ELP4: variants seen among roughly 807,000 people sequenced by gnomAD.
ELP4 encodes elongator acetyltransferase complex subunit 4, also known as elongator complex protein 4.
In ELP4, 51 loss-of-function variants were observed where a neutral mutation model predicts 48.9. That is an observed-to-expected ratio of 1.04 (90% CI 0.83 to 1.32). ELP4 has a LOEUF of 1.32. ELP4 is among the 40% of genes most tolerant of loss of function. ELP4 has a pLI of 0.00. For missense variants in ELP4, 519 were observed against 514.6 expected (o/e 1.01, Z -0.08); for synonymous variants, 210 against 189.2 (o/e 1.11, Z -0.90).
At position 31,623,384 on chromosome 11, in the gene ELP4, T is replaced by TAC. The variant is rs1565084266; in HGVS notation, c.654-3725_654-3724insCA. 3.8e-5 allele frequency among the ~76,000 whole-genome samples: 3 copies of TAC among 78,622 alleles called. 1 individual carries two copies. Among genetic ancestry groups the TAC allele is most frequent in the African/African-American group, 1.1e-4 (3 of 26,612 alleles). The allele number at this position is 78,622 out of a possible 152,430, so 51.6% of individuals were successfully genotyped here. On this transcript the variant is annotated intron_variant, in intron 5 of 9. Coordinates refer to ENST00000640961, the MANE Select transcript of ELP4 (RefSeq NM_019040.5). ...ATATATATATATATATATATATATATATATATAAAACTAGAAACATTGCTG... is the reference window on the plus strand; with the variant it reads ...ATATATATATATATATATATATATATACATATATAAAACTAGAAACATTGCTG...
intron 3 of ELP4, among the ~76,000 whole-genome samples, chr11:31,546,576 C>T (rs1259333319): frequency 4.6e-5 from 7 of 152,068 alleles, no homozygotes; most frequent in Admixed American, 1.3e-4. Context: ...GACAGATCAA[C>T]GAGACAGAAA....
chr11:31,743,424 C>T lies in ELP4; in HGVS notation c.1144-39969C>T, dbSNP rs1261216119. Reference sequence around the variant, plus strand: ...AATAGACATCTACAGAACTGTCCACCCCAAATCAACAGAATATACATTCTT... The same window carrying T: ...AATAGACATCTACAGAACTGTCCACTCCAAATCAACAGAATATACATTCTT... On this transcript the variant is annotated intron_variant, in intron 9 of 9. Transcript: ENST00000640961. 5.9e-5 allele frequency among the ~76,000 whole-genome samples: 9 copies of T among 152,172 alleles called. No individual in the cohort carries two copies. In the South Asian group the frequency reaches 6.2e-4, roughly 11 times the overall value.
chr11:31,694,397 T>C (rs535906507), intron 9 of ELP4, among the ~76,000 whole-genome samples: 44 of 152,106 alleles, frequency 2.9e-4, no homozygotes, highest in African/African-American at 1.0e-3. Flanking sequence ...CCAGTTTTCC[T>C]AGCACCATTT....
chr11:31,603,998 G>A, intron 5 of ELP4, 91 bp downstream of exon 5: 1 of 946,242 alleles, frequency 1.1e-6, no homozygotes, highest in Middle Eastern at 2.9e-4. Context: ...ACACATCTAA[G>A]GGTAAATATC....
chr11:31,588,090 A>G (rs1957508101), intron 3 of ELP4, among the ~76,000 whole-genome samples: 1 of 152,158 alleles, frequency 6.6e-6, no homozygotes, highest in Non-Finnish European at 1.5e-5. Flanking sequence ...AAAAATTTGC[A>G]TAAACTATCA....
intron 3 of ELP4, among the ~76,000 whole-genome samples, chr11:31,547,468 A>G (rs2133920677): frequency 6.6e-6 from 1 of 152,358 alleles, no homozygotes; most frequent in South Asian, 2.1e-4. Context: ...GACCAACAAC[A>G]GGAGCTGAAA....
intron 7 of ELP4, chr11:31,633,348 G>C (rs1381695810): frequency 6.6e-6 from 1 of 151,994 alleles, no homozygotes; most frequent in Non-Finnish European, 1.5e-5. Flanking sequence ...CAGCACTTTG[G>C]GAGGCTGAGG....
At chr11:31,689,331 A>G (rs1376311885) in intron 9 of ELP4, 1 of 151,548 alleles carries the variant, frequency 6.6e-6, no homozygotes, top group Non-Finnish European at 1.5e-5. Context: ...AGTCCCATCT[A>G]CTCAGAAGGC....
At chr11:31,614,761 C>T (rs746372484) in intron 5 of ELP4, among the ~76,000 whole-genome samples, 4 of 152,110 alleles carry the variant, frequency 2.6e-5, no homozygotes, top group East Asian at 1.9e-4. Flanking sequence ...AATGTAATCA[C>T]GAAGAAGCAT....
chr11:31,679,477 G>A (rs1433089900), intron 9 of ELP4, among the ~76,000 whole-genome samples: 1 of 152,064 alleles, frequency 6.6e-6, no homozygotes. Context: ...TCTCTACTTG[G>A]CTTGTAGATG....
chr11:31,562,901 A>G lies in ELP4; in HGVS notation c.381+23118A>G, dbSNP rs374566093. On this transcript the variant is annotated intron_variant, in intron 3 of 9. Coordinates refer to ENST00000640961, the MANE Select transcript of ELP4 (RefSeq NM_019040.5). ...TCCCCCATATTTCTAAATATTTTCA[A>G]TGAAGATAATACAGGGAATATACTA... Among the ~76,000 whole-genome samples, 16 of 152,250 alleles carry G rather than the reference A, an allele frequency of 1.1e-4. No homozygotes were observed. In the East Asian group the frequency reaches 1.3e-3, roughly 13 times the overall value.
At chr11:31,732,238 A>C (rs2134203332) in intron 9 of ELP4, among the ~76,000 whole-genome samples, 1 of 152,336 alleles carries the variant, frequency 6.6e-6, no homozygotes, top group Middle Eastern at 3.4e-3. Context: ...TAACTATAAA[A>C]ATATGCAAAT....
intron 9 of ELP4, among the ~76,000 whole-genome samples, chr11:31,723,552 A>G (rs1376636675): frequency 2.0e-5 from 3 of 152,254 alleles, no homozygotes; most frequent in Non-Finnish European, 2.9e-5. Flanking sequence ...TCTACCTACA[A>G]TAAAATAATG....
chr11:31,599,035 A>G (rs1202907212), intron 4 of ELP4: 1 of 152,134 alleles, frequency 6.6e-6, no homozygotes, highest in Non-Finnish European at 1.5e-5. Flanking sequence ...TTAAATGATA[A>G]TATATATCTA....
At chr11:31,662,553 C>G (rs923136885) in intron 9 of ELP4, 1 of 397,720 alleles carries the variant, frequency 2.5e-6, no homozygotes, top group African/African-American at 2.1e-5. Flanking sequence ...ATCTTACGAC[C>G]TGCGAAGGCA....
chr11:31,632,247 A>T lies in ELP4; in HGVS notation c.769A>T (p.Ile257Phe). Reference protein sequence around the residue: ...KKQRNILRIGIQNLGSPLWGD... With the variant: ...KKQRNILRIGFQNLGSPLWGD... ...ACAGAGAAACATTTTAAGAATAGGA[A>T]TTCAGAATCTTGGCTCACCTTTATG... The change falls in exon 7 of 10, where the codon ATT (isoleucine) becomes TTT (phenylalanine). Residue 257 changes from isoleucine to phenylalanine, a missense_variant. Coordinates refer to ENST00000640961, the MANE Select transcript of ELP4 (RefSeq NM_019040.5). The T allele has an allele frequency of 6.2e-7, 1 of 1,605,110 alleles. No homozygotes were observed. The highest frequency in any genetic ancestry group is 8.5e-7 in the Non-Finnish European group (1 of 1,177,538).
In ELP4 at chr11:31,784,199, A is replaced by C. The variant is rs1032320218; in HGVS notation, c.*675A>C. The C allele has an allele frequency of 6.6e-6, 1 of 152,250 alleles. No individual in the cohort carries two copies. Among genetic ancestry groups the C allele is most frequent in the Non-Finnish European group, 1.5e-5 (1 of 68,026 alleles). The allele number at this position is 152,250 out of a possible 1,614,324, so 9.4% of individuals were successfully genotyped here. On this transcript the variant is annotated 3_prime_UTR_variant, in exon 10 of 10. Transcript: ENST00000640961. ...GAAATTATGTCAACAGGCATCATTCAGGATTGAAATTCAAACTGACAGCTA... is the reference window on the plus strand; with the variant it reads ...GAAATTATGTCAACAGGCATCATTCCGGATTGAAATTCAAACTGACAGCTA...
Position 31,737,129 on chromosome 11 carries a change from A to G in ELP4, c.1144-46264A>G, listed in dbSNP as rs574057825. ...TGGCACATATACATCATGGAATACT[A>G]TGCAGCCATAAAAAAATGATGAGTT... On this transcript the variant is annotated intron_variant, in intron 9 of 9. Transcript: ENST00000640961. Among the ~76,000 whole-genome samples, 495 of 152,382 alleles carry G rather than the reference A, an allele frequency of 3.2e-3. 1 individual carries two copies. Among genetic ancestry groups the G allele is most frequent in the Non-Finnish European group, 5.8e-3 (397 of 68,034 alleles).
chr11:31,627,018 CT>C, intron 5 of ELP4, 91 bp from the exon 6 acceptor site: 2 of 692,162 alleles, frequency 2.9e-6, no homozygotes, highest in Non-Finnish European at 5.1e-6. Context: ...AAATGTATGC[CT>C]TTTAATTATT....
Sources: allele counts gnomAD v4.1 joint callset (sites outside exome capture counted in the v4.1 genomes callset), GRCh38; gene constraint gnomAD v4.1.1; transcripts MANE v1.5; gene names NCBI Gene and HGNC (gene_info 2026-07-23, HGNC 2026-07-21).